The following NTRK3 variants were observed in gnomAD, a reference collection of about 807,000 sequenced individuals.
NTRK3 encodes neurotrophic receptor tyrosine kinase 3.
A neutral mutation model predicts 91.7 loss-of-function variants in NTRK3; 24 were observed. The ratio of observed to expected loss-of-function variants is 0.26; its 90% CI spans 0.19 to 0.37. The LOEUF (loss-of-function observed/expected upper bound fraction) is 0.37. Ranked by LOEUF, NTRK3 falls within the 10% of genes least tolerant of loss-of-function variation. The probability of loss-of-function intolerance (pLI) is 1.00; values close to 1 mark genes in which losing one functional copy is unlikely to be tolerated. For missense variants in NTRK3, 880 were observed against 1,068.9 expected (o/e 0.82, Z 2.46); for synonymous variants, 483 against 404.0 (o/e 1.20, Z -2.34).
intron 14 of NTRK3, among the ~76,000 whole-genome samples, chr15:87,951,091 AC>A (rs1314594699): frequency 6.6e-6 from 1 of 152,164 alleles, no homozygotes. Context: ...CCTCTGAGCA[AC>A]CATGTGAGCT....
At chr15:87,930,962 C>T (rs1388882955) in intron 16 of NTRK3, 2 of 273,880 alleles carry the variant, frequency 7.3e-6, no homozygotes, top group African/African-American at 4.5e-5. Context: ...GAACTGTACT[C>T]ACAGGCATGC....
chr15:88,248,516 TTG>T (rs4034650), intron 3 of NTRK3, among the ~76,000 whole-genome samples: 121,741 of 150,614 alleles, frequency 0.81, 49,831 homozygotes, highest in East Asian at 0.96. Context: ...AGTAATATAT[TTG>T]TGTGTGTGTG....
intron 5 of NTRK3, among the ~76,000 whole-genome samples, chr15:88,149,821 A>T (rs1335724300): frequency 6.6e-6 from 1 of 152,206 alleles, no homozygotes; most frequent in East Asian, 1.9e-4. Flanking sequence ...CTGAGTCTCC[A>T]TTGCCACTGG....
At chr15:88,104,727 A>T (rs1368644034) in intron 13 of NTRK3, among the ~76,000 whole-genome samples, 1 of 152,198 alleles carries the variant, frequency 6.6e-6, no homozygotes, top group East Asian at 1.9e-4. Context: ...GCTGAGCTCA[A>T]GGAAACTATG....
intron 13 of NTRK3, among the ~76,000 whole-genome samples, chr15:88,110,317 CAGG>C (rs2150965597): frequency 6.6e-6 from 1 of 152,314 alleles, no homozygotes; most frequent in Non-Finnish European, 1.5e-5. Flanking sequence ...TTCCTGTCTG[CAGG>C]CACCGTGGGG....
At chr15:88,165,671 T>G (rs1001194386) in intron 5 of NTRK3, among the ~76,000 whole-genome samples, 7 of 152,204 alleles carry the variant, frequency 4.6e-5, no homozygotes, top group Non-Finnish European at 1.0e-4. Context: ...CAACAACATT[T>G]TATGGTCTGT....
intron 17 of NTRK3, among the ~76,000 whole-genome samples, chr15:87,912,886 C>A (rs1252730373): frequency 7.0e-6 from 1 of 143,432 alleles, no homozygotes; most frequent in Non-Finnish European, 1.5e-5. Flanking sequence ...ACTCTAGCGG[C>A]AAACCCTGAT....
At chr15:88,112,399 G>A (rs1214914693) in intron 13 of NTRK3, among the ~76,000 whole-genome samples, 1 of 152,198 alleles carries the variant, frequency 6.6e-6, no homozygotes. Flanking sequence ...CCATCAAGCT[G>A]AACCATGAGC....
chr15:87,929,136 G>A (rs1455451843), intron 17 of NTRK3, 55 bp downstream of exon 17: 1 of 1,613,694 alleles, frequency 6.2e-7, no homozygotes, highest in Admixed American at 1.7e-5. Flanking sequence ...AAAAAGACAT[G>A]TAAGCAAGGC....
At chr15:88,033,176 T>TCTCATATATATATATATATA (rs1491166187) in intron 13 of NTRK3, 131 bp from the exon 14 acceptor site, 1 of 192,404 alleles carries the variant, frequency 5.2e-6, no homozygotes, top group Non-Finnish European at 9.0e-6. Context: ...GGGGGGTGTG[T>TCTCATATATATATATATATA]TATATATATA....
chr15:87,864,655 C>A, exon 19 of NTRK3: 1 of 230,764 alleles, frequency 4.3e-6, no homozygotes, highest in Non-Finnish European at 8.6e-6. Context: ...TAAAGCATCC[C>A]CCTGTCTCCT....
chr15:88,076,007 G>T (rs1049389678), intron 13 of NTRK3, among the ~76,000 whole-genome samples: 9 of 152,206 alleles, frequency 5.9e-5, no homozygotes, highest in African/African-American at 1.9e-4. Flanking sequence ...GATGGTGGTG[G>T]TGCTATTGTT....
At chr15:87,952,620 G>T (rs1188462700) in intron 14 of NTRK3, among the ~76,000 whole-genome samples, 4 of 152,162 alleles carry the variant, frequency 2.6e-5, no homozygotes, top group African/African-American at 9.7e-5. Context: ...GGCTCACCCT[G>T]TGCGCACTCC....
intron 3 of NTRK3, among the ~76,000 whole-genome samples, chr15:88,249,736 T>A (rs1344560163): frequency 6.6e-6 from 1 of 152,102 alleles, no homozygotes; most frequent in Non-Finnish European, 1.5e-5. Context: ...ACCCAACCCA[T>A]CAACGAGCAG....
intron 3 of NTRK3, among the ~76,000 whole-genome samples, chr15:88,251,153 TG>T (rs1255281405): frequency 6.6e-6 from 1 of 152,218 alleles, no homozygotes; most frequent in Non-Finnish European, 1.5e-5. Context: ...TGTCAAATTC[TG>T]GGTGGCCTGA....
intron 17 of NTRK3, among the ~76,000 whole-genome samples, chr15:87,918,415 C>T (rs145886413): frequency 5.9e-5 from 9 of 152,294 alleles, no homozygotes; most frequent in African/African-American, 2.2e-4. Flanking sequence ...TCCTTAGTTT[C>T]GGCCAGTTGA....
chr15:87,916,613 T>G, intron 17 of NTRK3: 1 of 701,814 alleles, frequency 1.4e-6, no homozygotes, highest in Non-Finnish European at 2.6e-6. Context: ...GAGAAGAGAC[T>G]AAGTTTAGGA....
At chr15:88,251,372 G>A (rs139737133) in intron 3 of NTRK3, among the ~76,000 whole-genome samples, 43 of 152,336 alleles carry the variant, frequency 2.8e-4, no homozygotes, top group African/African-American at 7.2e-4. Context: ...TCTGCCCTGC[G>A]GCCTCAATTC....
chr15:88,254,695 G>A (rs1045905270), intron 3 of NTRK3, among the ~76,000 whole-genome samples: 1 of 152,150 alleles, frequency 6.6e-6, no homozygotes, highest in Non-Finnish European at 1.5e-5. Flanking sequence ...CCTTAAGTCC[G>A]TCGAAGGGGT....
Sources: allele counts gnomAD v4.1 joint callset (sites outside exome capture counted in the v4.1 genomes callset), GRCh38; gene constraint gnomAD v4.1.1; transcripts MANE v1.5; gene names NCBI Gene and HGNC (gene_info 2026-07-23, HGNC 2026-07-21).